The following BTBD9 variants were observed in gnomAD, a reference collection of about 807,000 sequenced individuals.
BTBD9 encodes BTB/POZ domain-containing protein 9.
In BTBD9, 49 loss-of-function variants were observed where a neutral mutation model predicts 64.3. The ratio of observed to expected loss-of-function variants is 0.76; its 90% confidence interval spans 0.61 to 0.97. The LOEUF is 0.97. Ranked by LOEUF, BTBD9 falls within the 50% of genes least tolerant of loss-of-function variation. The probability of loss-of-function intolerance (pLI) is 0.00; values close to 1 mark genes in which losing one functional copy is unlikely to be tolerated. For missense variants in BTBD9, 598 were observed against 762.1 expected (o/e 0.78, Z 2.53); for synonymous variants, 260 against 274.7 (o/e 0.95, Z 0.53).
chr6:38,364,178 C>T (rs1171958275), intron 6 of BTBD9, among the ~76,000 whole-genome samples: 3 of 152,112 alleles, frequency 2.0e-5, no homozygotes, highest in Non-Finnish European at 4.4e-5. Context: ...ATTTGGAGGA[C>T]ACTGTGTTTA....
chr6:38,480,633 G>A (rs1771096297), intron 6 of BTBD9, among the ~76,000 whole-genome samples: 1 of 152,154 alleles, frequency 6.6e-6, no homozygotes, highest in African/African-American at 2.4e-5. Context: ...TTGTAGCTCA[G>A]CTATAGAACA....
At chr6:38,191,905 C>T (rs1331146565) in intron 10 of BTBD9, among the ~76,000 whole-genome samples, 2 of 152,222 alleles carry the variant, frequency 1.3e-5, no homozygotes, top group African/African-American at 2.4e-5. Context: ...AGCATTAAAC[C>T]TCAAGCACTG....
chr6:38,445,842 C>A (rs1192924988), intron 6 of BTBD9, among the ~76,000 whole-genome samples: 1 of 152,062 alleles, frequency 6.6e-6, no homozygotes, highest in Non-Finnish European at 1.5e-5. Flanking sequence ...GTGGGAAGGA[C>A]AAAAGGCCAC....
chr6:38,557,439 A>C (rs1283080973), intron 6 of BTBD9, among the ~76,000 whole-genome samples: 1 of 152,246 alleles, frequency 6.6e-6, no homozygotes, highest in East Asian at 1.9e-4. Flanking sequence ...GTGTGATTAT[A>C]AGTTCAATAT....
intron 1 of BTBD9, among the ~76,000 whole-genome samples, chr6:38,604,611 G>C (rs1169613042): frequency 2.0e-5 from 3 of 152,142 alleles, no homozygotes; most frequent in African/African-American, 7.2e-5. Context: ...AAAACTCATA[G>C]GGTGGCTATG....
At chr6:38,470,223 G>T (rs1053297531) in intron 6 of BTBD9, among the ~76,000 whole-genome samples, 1 of 152,126 alleles carries the variant, frequency 6.6e-6, no homozygotes, top group Non-Finnish European at 1.5e-5. Flanking sequence ...TTTTCTACAA[G>T]AACAGAAAAA....
At chr6:38,632,000 T>G (rs1159189577) in intron 1 of BTBD9, among the ~76,000 whole-genome samples, 1 of 152,098 alleles carries the variant, frequency 6.6e-6, no homozygotes, top group Non-Finnish European at 1.5e-5. Context: ...TGGTGGCGCA[T>G]GCCTGTAATC....
intron 6 of BTBD9, among the ~76,000 whole-genome samples, chr6:38,399,433 C>T (rs1237552331): frequency 1.3e-5 from 2 of 152,142 alleles, no homozygotes; most frequent in African/African-American, 4.8e-5. Flanking sequence ...GTATGAATTG[C>T]AGAAGCTTAC....
At chr6:38,468,726 G>T (rs1410788949) in intron 6 of BTBD9, among the ~76,000 whole-genome samples, 1 of 152,120 alleles carries the variant, frequency 6.6e-6, no homozygotes, top group Non-Finnish European at 1.5e-5. Context: ...ACTATATAGA[G>T]TATACCCAGA....
chr6:38,541,542 T>TC (rs1774276642), intron 6 of BTBD9, among the ~76,000 whole-genome samples: 1 of 152,078 alleles, frequency 6.6e-6, no homozygotes, highest in Admixed American at 6.5e-5. Flanking sequence ...ATGGAGACCA[T>TC]CCTGGCTAAT....
Position 38,598,132 on chromosome 6 carries a change from A to G in BTBD9, c.-27-11T>C. The G allele has an allele frequency of 6.3e-7, 1 of 1,589,124 alleles. No homozygotes were observed. Among genetic ancestry groups the G allele is most frequent in the Non-Finnish European group, 8.6e-7 (1 of 1,163,364 alleles). On this transcript the variant is annotated splice_polypyrimidine_tract_variant and intron_variant, in intron 1 of 10. Coordinates refer to ENST00000481247, the MANE Select transcript of BTBD9 (RefSeq NM_001099272.2). ...ACGATAGTCGTTGTTCTATCATATA[A>G]AGAAGGAATGAGAGTTAGTTGGGGG...
chr6:38,336,029 C>A (rs1470532350), intron 7 of BTBD9, among the ~76,000 whole-genome samples: 1 of 152,202 alleles, frequency 6.6e-6, no homozygotes, highest in African/African-American at 2.4e-5. Context: ...AGCTACCGCA[C>A]CCGGCCTCCA....
chr6:38,217,229 G>C (rs1763036105), intron 9 of BTBD9, among the ~76,000 whole-genome samples: 1 of 143,654 alleles, frequency 7.0e-6, no homozygotes, highest in Admixed American at 7.4e-5. Flanking sequence ...TGAGGCAGGA[G>C]AATCGCTTGA....
At chr6:38,486,216 T>C (rs1180247889) in intron 6 of BTBD9, among the ~76,000 whole-genome samples, 1 of 152,232 alleles carries the variant, frequency 6.6e-6, no homozygotes, top group South Asian at 2.1e-4. Context: ...GTGGCTGGTT[T>C]GGTCTTCTAT....
chr6:38,202,640 G>A lies in BTBD9; in HGVS notation c.1563-10043C>T, dbSNP rs6936892. Among the ~76,000 whole-genome samples, 1,115 of 152,096 alleles carry A rather than the reference G, an allele frequency of 7.3e-3. 16 individuals carry two copies. The highest frequency in any genetic ancestry group is 0.023 in the African/African-American group (952 of 41,460). On this transcript the variant is annotated intron_variant, in intron 9 of 10. Coordinates refer to ENST00000481247, the MANE Select transcript of BTBD9 (RefSeq NM_001099272.2). ...CTACAGCCAACTGATACTCAACAAAGGAACCAAGAACTTACACCAGGGAAA... is the reference window on the plus strand; with the variant it reads ...CTACAGCCAACTGATACTCAACAAAAGAACCAAGAACTTACACCAGGGAAA...
In BTBD9 at chr6:38,256,410, T is replaced by C. The variant is rs764067230; in HGVS notation, c.1561A>G (p.Lys521Glu). The change falls in exon 9 of 11, where the codon AAG becomes GAG. Residue 521 changes from lysine to glutamate, a missense_variant and splice_region_variant. Coordinates refer to ENST00000481247, the MANE Select transcript of BTBD9 (RefSeq NM_001099272.2). The stretch of plus-strand genomic sequence containing the variant: ...AATTCCTGAAAAGACACAACTTACT[T>C]GCAGGAGACTTTAGTTCTGTCAGCA... ...MVADRTKVSC[K>E]SWQSVTFERQ... 9 of 1,608,754 alleles carry C rather than the reference T, an allele frequency of 5.6e-6. No homozygotes were observed. Among genetic ancestry groups the C allele is most frequent in the Non-Finnish European group, 7.7e-6 (9 of 1,175,240 alleles).
intron 7 of BTBD9, among the ~76,000 whole-genome samples, chr6:38,331,437 C>A (rs936931447): frequency 6.6e-6 from 1 of 152,118 alleles, no homozygotes; most frequent in Non-Finnish European, 1.5e-5. Flanking sequence ...GAGATCACGC[C>A]ACTGCACTCC....
intron 6 of BTBD9, among the ~76,000 whole-genome samples, chr6:38,546,385 C>A (rs1186570194): frequency 6.6e-6 from 1 of 152,052 alleles, no homozygotes. Context: ...TTATTTAAGC[C>A]AAAATTTCCT....
chr6:38,180,583 T>C (rs1304345316), intron 10 of BTBD9, among the ~76,000 whole-genome samples: 4 of 152,140 alleles, frequency 2.6e-5, no homozygotes, highest in Non-Finnish European at 4.4e-5. Context: ...GCTCAAGTGA[T>C]TCAATTTCTT....
Sources: gnomAD v4.1 joint callset for allele counts (sites outside exome capture counted in the v4.1 genomes callset) on GRCh38, gnomAD v4.1.1 for gene constraint, MANE v1.5 for transcripts, NCBI Gene and HGNC (gene_info 2026-07-23, HGNC 2026-07-21) for gene names.